EIF3B: variants seen among roughly 807,000 people sequenced by gnomAD.
EIF3B encodes the protein eukaryotic translation initiation factor 3 subunit B.
In EIF3B, 10 loss-of-function variants were observed where a neutral mutation model predicts 104.6. The ratio of observed to expected loss-of-function variants is 0.10; its 90% CI spans 0.06 to 0.16. The LOEUF is 0.16. Ranked by LOEUF, EIF3B falls within the 10% of genes least tolerant of loss-of-function variation. The pLI, the probability that EIF3B is intolerant of heterozygous loss-of-function variation, is 1.00. For missense variants in EIF3B, 1,014 were observed against 1,087.9 expected, an observed-to-expected ratio of 0.93 and a Z score of 0.96; for synonymous variants, 542 against 417.2, an observed-to-expected ratio of 1.30 and a Z score of -3.65.
intron 13 of EIF3B, 133 bp from the exon 14 acceptor site, chr7:2,375,256 T>A: frequency 9.1e-7 from 1 of 1,101,158 alleles, no homozygotes; most frequent in Non-Finnish European, 1.4e-6. Flanking sequence ...CACCAGAGGC[T>A]GTTGCTGTGC....
chr7:2,365,515 TTTGTGTG>T (rs1779962758), intron 6 of EIF3B, among the ~76,000 whole-genome samples: 2 of 152,154 alleles, frequency 1.3e-5, no homozygotes, highest in South Asian at 4.1e-4. Flanking sequence ...TGTTACACAC[TTTGTGTG>T]AACTGAGTAA....
chr7:2,374,419 C>A, intron 12 of EIF3B, 109 bp from the exon 13 acceptor site: 1 of 961,508 alleles, frequency 1.0e-6, no homozygotes, highest in Non-Finnish European at 1.6e-6. Context: ...CCAGCATTAC[C>A]AGCTCTGCCC....
rs1320526273 is a variant in EIF3B, at chr7:2,380,578, G to A, written c.*389G>A. 8 of 351,462 alleles carry A rather than the reference G, an allele frequency of 2.3e-5. No homozygotes were observed. The highest frequency in any genetic ancestry group is 2.8e-5 in the Non-Finnish European group (5 of 177,412). The allele number at this position is 351,462 out of a possible 1,614,324, so 21.8% of individuals were successfully genotyped here. A position where few individuals can be genotyped will look rare whatever the true frequency, so the allele number is the denominator to read the frequency against. On this transcript the variant is annotated 3_prime_UTR_variant, in exon 19 of 19. Coordinates refer to ENST00000360876, the MANE Select transcript of EIF3B (RefSeq NM_001037283.2). ...GTTTCCACGGTGCCTGTACACAGCC[G>A]AGCAGCATTTCCGTTGAAGGACTTG...
chr7:2,361,513 A>C (rs1045059417), intron 2 of EIF3B, among the ~76,000 whole-genome samples: 5 of 151,136 alleles, frequency 3.3e-5, no homozygotes, highest in Non-Finnish European at 7.4e-5. Flanking sequence ...TCCGCCTCCC[A>C]GGTTCACACT....
chr7:2,363,872 T>A (rs929170593), intron 5 of EIF3B, 112 bp downstream of exon 5: 4 of 1,293,168 alleles, frequency 3.1e-6, no homozygotes, highest in Non-Finnish European at 4.2e-6. Flanking sequence ...TTATATTTTC[T>A]TTGAGATTAC....
intron 10 of EIF3B, among the ~76,000 whole-genome samples, chr7:2,370,637 C>T (rs905821310): frequency 6.6e-6 from 1 of 152,144 alleles, no homozygotes; most frequent in Non-Finnish European, 1.5e-5. Context: ...CAGAGTTATG[C>T]AGCCACCACC....
rs781151737 is a variant in EIF3B at position 2,362,634 on chromosome 7, C to G, written c.693-11C>G. On this transcript the variant is annotated splice_polypyrimidine_tract_variant and intron_variant, in intron 2 of 18. Coordinates refer to ENST00000360876, the MANE Select transcript of EIF3B (RefSeq NM_001037283.2). ...AGTGTGGGTATGTGCCAACGGCCCTCTCTCACTCAGGTATATTTTCCTGGA... is the reference window on the plus strand; with the variant it reads ...AGTGTGGGTATGTGCCAACGGCCCTGTCTCACTCAGGTATATTTTCCTGGA... 7 of 1,614,048 alleles carry G rather than the reference C, an allele frequency of 4.3e-6. No homozygotes were observed. Among genetic ancestry groups the G allele is most frequent in the Middle Eastern group, 1.7e-4 (1 of 6,052 alleles).
chr7:2,367,878 G>T (rs911454390), intron 9 of EIF3B, among the ~76,000 whole-genome samples: 2 of 94,092 alleles, frequency 2.1e-5, no homozygotes, highest in Non-Finnish European at 3.8e-5. Context: ...GTCTTACTCT[G>T]TCTTGCAGGC....
At chr7:2,358,368 G>A (rs971798229) in intron 1 of EIF3B, among the ~76,000 whole-genome samples, 1 of 152,072 alleles carries the variant, frequency 6.6e-6, no homozygotes, top group Non-Finnish European at 1.5e-5. Flanking sequence ...ACAGGCGTGA[G>A]CCACCATGCT....
intron 1 of EIF3B, among the ~76,000 whole-genome samples, chr7:2,358,427 G>C (rs1771077587): frequency 6.6e-6 from 1 of 152,020 alleles, no homozygotes; most frequent in Non-Finnish European, 1.5e-5. Flanking sequence ...ACGGAGTCTT[G>C]CTCTGTCGCT....
intron 1 of EIF3B, among the ~76,000 whole-genome samples, chr7:2,358,448 A>G (rs1461600068): frequency 6.6e-6 from 1 of 152,122 alleles, no homozygotes; most frequent in Non-Finnish European, 1.5e-5. Flanking sequence ...GGAGTGAGCC[A>G]CCATGCCCAG....
At chr7:2,372,603 A>G in intron 11 of EIF3B, 70 bp from the exon 12 acceptor site, 5 of 1,558,876 alleles carry the variant, frequency 3.2e-6, no homozygotes, top group Non-Finnish European at 4.4e-6. Context: ...AATAGTGAAC[A>G]TTTTAACTGA....
intron 7 of EIF3B, 22 bp from the exon 8 acceptor site, chr7:2,366,503 C>T (rs374204646): frequency 1.2e-5 from 19 of 1,614,070 alleles, no homozygotes; most frequent in Admixed American, 1.7e-5. Flanking sequence ...TGGGAATACC[C>T]TGGCACTTTT....
intron 11 of EIF3B, chr7:2,372,173 T>C (rs1231578377): frequency 9.2e-6 from 3 of 324,932 alleles, no homozygotes; most frequent in East Asian, 1.2e-4. Context: ...GCCCCTGCAC[T>C]CCAGCCTGGG....
At chr7:2,358,375 T>C (rs190284871) in intron 1 of EIF3B, among the ~76,000 whole-genome samples, 1 of 151,156 alleles carries the variant, frequency 6.6e-6, no homozygotes, top group East Asian at 2.0e-4. Context: ...TGAGCCACCA[T>C]GCTGGGTCAG....
chr7:2,372,663 T>C lies in EIF3B; in HGVS notation c.1688-10T>C. 1 of 1,613,564 alleles carries C rather than the reference T, an allele frequency of 6.2e-7. No homozygotes were observed. Among genetic ancestry groups the C allele is most frequent in the Non-Finnish European group, 8.5e-7 (1 of 1,179,578 alleles). ...ACCAAAAAGGGAGGGGTCTGTTTTG[T>C]GCATTTTAGAAACCATCATAGCCTT... On this transcript the variant is annotated splice_polypyrimidine_tract_variant and intron_variant, in intron 11 of 18. Transcript: ENST00000360876.
At chr7:2,366,749 C>T in intron 8 of EIF3B, 158 bp downstream of exon 8, 2 of 872,918 alleles carry the variant, frequency 2.3e-6, no homozygotes, top group Non-Finnish European at 3.5e-6. Context: ...CTGCTCTGGG[C>T]AGAGCTCTTC....
chr7:2,364,271 A>G (rs2115299388), intron 5 of EIF3B, 101 bp from the exon 6 acceptor site: 1 of 1,200,440 alleles, frequency 8.3e-7, no homozygotes, highest in East Asian at 2.6e-5. Flanking sequence ...AAAAAAAAAA[A>G]AGTTTGTAGA....
chr7:2,356,228 A>C (rs754849998), intron 1 of EIF3B, among the ~76,000 whole-genome samples: 58 of 152,334 alleles, frequency 3.8e-4, no homozygotes, highest in Admixed American at 2.4e-3. Flanking sequence ...AGAAAAATAA[A>C]AATACCCTTG....
Sources: gnomAD v4.1 joint callset for allele counts (sites outside exome capture counted in the v4.1 genomes callset) on GRCh38, gnomAD v4.1.1 for gene constraint, MANE v1.5 for transcripts, NCBI Gene and HGNC (gene_info 2026-07-23, HGNC 2026-07-21) for gene names.